Variants in GSG1L observed in about 807,000 individuals in gnomAD.
The protein encoded by GSG1L is germ cell-specific gene 1-like protein.
A neutral mutation model predicts 42.1 loss-of-function variants in GSG1L; 24 were observed. The observed-to-expected ratio is 0.57, with a 90% CI of 0.41 to 0.80. GSG1L has a LOEUF of 0.80. Ranked by LOEUF, GSG1L falls within the 30% of genes least tolerant of loss-of-function variation. GSG1L has a pLI of 0.00. For synonymous variants in GSG1L, 215 were observed against 203.5 expected (o/e 1.06, Z -0.48); for missense variants, 445 against 472.2 (o/e 0.94, Z 0.53).
intron 1 of GSG1L, among the ~76,000 whole-genome samples, chr16:28,044,431 T>C (rs1030055216): frequency 2.2e-4 from 34 of 152,238 alleles, no homozygotes; most frequent in Non-Finnish European, 2.6e-4. Flanking sequence ...GTTAAAAACT[T>C]ACACCCAAAT....
intron 5 of GSG1L, among the ~76,000 whole-genome samples, chr16:27,823,071 A>T (rs1217727308): frequency 2.0e-5 from 3 of 152,198 alleles, no homozygotes; most frequent in African/African-American, 4.8e-5. Context: ...TTGTTAAACC[A>T]GATCTGAGCA....
At chr16:27,830,030 G>C (rs956416423) in intron 4 of GSG1L, among the ~76,000 whole-genome samples, 1 of 152,152 alleles carries the variant, frequency 6.6e-6, no homozygotes, top group Non-Finnish European at 1.5e-5. Context: ...CCCAAACCTG[G>C]AGAATTTGTC....
chr16:27,861,308 C>T (rs767774234), intron 3 of GSG1L, among the ~76,000 whole-genome samples: 3 of 151,866 alleles, frequency 2.0e-5, no homozygotes, highest in South Asian at 2.1e-4. Flanking sequence ...ACCCAGGAGA[C>T]GGAGGTTGCA....
At chr16:27,839,779 G>A (rs777064691) in intron 4 of GSG1L, among the ~76,000 whole-genome samples, 44 of 152,348 alleles carry the variant, frequency 2.9e-4, no homozygotes, top group South Asian at 6.2e-4. Context: ...TACCATTTTA[G>A]ATGTTAGAAA....
rs80294079 is a variant in GSG1L at position 27,871,901 on chromosome 16, G to A, written c.550+12585C>T. 4.9e-3 allele frequency among the ~76,000 whole-genome samples: 742 copies of A among 152,314 alleles called. 11 individuals carry two copies. The highest frequency in any genetic ancestry group is 0.017 in the African/African-American group (694 of 41,564). The stretch of plus-strand genomic sequence containing the variant: ...GGAAGATTGGTGGAAAATGAAGAGC[G>A]ACTGCTAGTGGCATGGGGTTTCTTT... On this transcript the variant is annotated intron_variant, in intron 3 of 6. Transcript: ENST00000447459.
At chr16:27,992,262 C>T (rs151012423) in intron 1 of GSG1L, among the ~76,000 whole-genome samples, 3,648 of 152,148 alleles carry the variant, frequency 0.024, 58 homozygotes, top group Non-Finnish European at 0.035. Context: ...TTTGGGAGGC[C>T]GAAGCGGGTG....
rs181439850 is a variant in GSG1L, at chr16:28,008,701, G to A, written c.350-45498C>T. 5.9e-5 allele frequency among the ~76,000 whole-genome samples: 9 copies of A among 152,342 alleles called. No homozygotes were observed. In the East Asian group the frequency reaches 7.7e-4, roughly 13 times the overall value. On this transcript the variant is annotated intron_variant, in intron 1 of 6. Coordinates refer to ENST00000447459, the MANE Select transcript of GSG1L (RefSeq NM_001109763.2). Reference sequence around the variant, plus strand: ...TGAAACCGAAGTCCTCACGGTGGCCGGCAGGGCCCTAGCCCAGTGGCTCTT... The same window carrying A: ...TGAAACCGAAGTCCTCACGGTGGCCAGCAGGGCCCTAGCCCAGTGGCTCTT...
intron 2 of GSG1L, among the ~76,000 whole-genome samples, chr16:27,960,229 A>T (rs9936041): frequency 0.16 from 24,345 of 152,176 alleles, 2,468 homozygotes; most frequent in Non-Finnish European, 0.23. Context: ...GCTTTTCAGC[A>T]GGAGAACCAG....
At chr16:27,818,990 C>T (rs2083124146) in intron 5 of GSG1L, among the ~76,000 whole-genome samples, 1 of 152,198 alleles carries the variant, frequency 6.6e-6, no homozygotes, top group South Asian at 2.1e-4. Flanking sequence ...TGGCTCACGC[C>T]TGTAATCCCA....
chr16:27,960,427 G>A (rs1166481616), intron 2 of GSG1L, among the ~76,000 whole-genome samples: 1 of 152,142 alleles, frequency 6.6e-6, no homozygotes, highest in East Asian at 1.9e-4. Flanking sequence ...CCAGTGTCGC[G>A]ATTATCGTAT....
intron 2 of GSG1L, among the ~76,000 whole-genome samples, chr16:27,946,635 GAAAGAAAGAAAGAAAGAAAGA>G (rs1386743299): frequency 0.038 from 150 of 3,972 alleles, 2 homozygotes; most frequent in African/African-American, 0.1. Context: ...GAGAGAGAAA[GAAAGAAAGAAAGAAAGAAAGA>G]AAAGAAAGAA....
intron 2 of GSG1L, among the ~76,000 whole-genome samples, chr16:27,917,117 T>A (rs2084466446): frequency 6.6e-6 from 1 of 152,168 alleles, no homozygotes; most frequent in Admixed American, 6.5e-5. Flanking sequence ...GTCAGAGGAT[T>A]TTAAAGAAGC....
intron 3 of GSG1L, among the ~76,000 whole-genome samples, chr16:27,848,015 T>G (rs1172953481): frequency 3.3e-5 from 5 of 152,236 alleles, no homozygotes; most frequent in Non-Finnish European, 7.3e-5. Flanking sequence ...GTAGGTTGAC[T>G]TTCTGTGCCT....
chr16:27,840,234 G>T (rs985066457), intron 4 of GSG1L, among the ~76,000 whole-genome samples: 2 of 151,906 alleles, frequency 1.3e-5, no homozygotes, highest in African/African-American at 2.4e-5. Flanking sequence ...ATTGGGTCTG[G>T]CTATGTTGCC....
intron 2 of GSG1L, among the ~76,000 whole-genome samples, chr16:27,924,334 T>C (rs1415018555): frequency 6.6e-6 from 1 of 150,486 alleles, no homozygotes; most frequent in Non-Finnish European, 1.5e-5. Flanking sequence ...TATGTGTGTG[T>C]ACACACATTA....
chr16:27,819,769 T>C (rs1390672617), intron 5 of GSG1L, among the ~76,000 whole-genome samples: 1 of 152,158 alleles, frequency 6.6e-6, no homozygotes, highest in East Asian at 1.9e-4. Context: ...ACCACTCCAG[T>C]GTTTTAGGCA....
chr16:28,028,527 A>G (rs2141172345), intron 1 of GSG1L, among the ~76,000 whole-genome samples: 1 of 152,142 alleles, frequency 6.6e-6, no homozygotes, highest in East Asian at 1.9e-4. Context: ...AATAATATTA[A>G]TAAGACTTAG....
chr16:27,806,730 G>C (rs940364086), intron 6 of GSG1L, among the ~76,000 whole-genome samples: 12 of 152,216 alleles, frequency 7.9e-5, no homozygotes, highest in Admixed American at 3.3e-4. Context: ...CCAGGGCACT[G>C]ACTGTGTCTG....
chr16:28,008,693 C>A (rs553193425), intron 1 of GSG1L, among the ~76,000 whole-genome samples: 3 of 152,350 alleles, frequency 2.0e-5, no homozygotes, highest in East Asian at 1.9e-4. Context: ...GAAGTCCTCA[C>A]GGTGGCCGGC....
Sources: gnomAD v4.1 joint callset for allele counts (sites outside exome capture counted in the v4.1 genomes callset) on GRCh38, gnomAD v4.1.1 for gene constraint, MANE v1.5 for transcripts, NCBI Gene and HGNC (gene_info 2026-07-23, HGNC 2026-07-21) for gene names.